Variants in PRELID2 observed in about 807,000 individuals in gnomAD.
The protein encoded by PRELID2 is PRELI domain-containing protein 2.
PRELID2 carries 25 observed loss-of-function variants against 28.4 expected under a neutral mutation model. That is an observed-to-expected ratio of 0.88 (90% CI 0.64 to 1.23). PRELID2 has a LOEUF of 1.23. PRELID2 is among the 50% of genes most tolerant of loss of function. PRELID2 has a pLI of 0.00. For synonymous variants in PRELID2, 76 were observed against 71.6 expected (o/e 1.06, Z -0.31); for missense variants, 201 against 214.4 (o/e 0.94, Z 0.39).
intron 1 of PRELID2, among the ~76,000 whole-genome samples, chr5:145,724,646 TAATG>T (rs1756090412): frequency 8.3e-6 from 1 of 120,106 alleles, no homozygotes; most frequent in African/African-American, 3.0e-5. Context: ...TATATATATA[TAATG>T]CCTGTAACTT....
intron 1 of PRELID2, among the ~76,000 whole-genome samples, chr5:145,687,426 T>C (rs186335709): frequency 7.9e-5 from 12 of 152,162 alleles, no homozygotes; most frequent in East Asian, 3.9e-4. Context: ...ATCAATGTCA[T>C]GAAAGTCAAG....
At chr5:145,298,969 A>T in the PRELID2 span, among the ~76,000 whole-genome samples, 2 of 152,160 alleles carry the variant, frequency 1.3e-5, no homozygotes, top group African/African-American at 4.8e-5. Flanking sequence ...CAAAAACAAC[A>T]TAAAAATATG....
At chr5:145,254,984 G>T in the PRELID2 span, among the ~76,000 whole-genome samples, 16 of 150,748 alleles carry the variant, frequency 1.1e-4, no homozygotes, top group African/African-American at 3.9e-4. Context: ...TTTAACTAAA[G>T]CAACAGCAAA....
At chr5:145,283,124 G>T in the PRELID2 span, among the ~76,000 whole-genome samples, 2 of 152,118 alleles carry the variant, frequency 1.3e-5, no homozygotes, top group African/African-American at 4.8e-5. Flanking sequence ...TCAGCATTAA[G>T]GGGCTGCTAA....
chr5:145,677,643 G>T (rs778317430), intron 1 of PRELID2, among the ~76,000 whole-genome samples: 7 of 152,088 alleles, frequency 4.6e-5, no homozygotes, highest in Non-Finnish European at 1.0e-4. Flanking sequence ...AGGCACAGGG[G>T]TTCATTGTGC....
At chr5:145,554,152 T>A (rs779879064) in intron 1 of PRELID2, among the ~76,000 whole-genome samples, 1 of 152,058 alleles carries the variant, frequency 6.6e-6, no homozygotes, top group Non-Finnish European at 1.5e-5. Flanking sequence ...GACTGATAGA[T>A]GAGAATCAAC....
the PRELID2 span, among the ~76,000 whole-genome samples, chr5:145,405,549 T>C: frequency 6.6e-6 from 1 of 152,032 alleles, no homozygotes; most frequent in Non-Finnish European, 1.5e-5. Context: ...TTCATGTGGG[T>C]GCAAATTGTA....
the PRELID2 span, among the ~76,000 whole-genome samples, chr5:145,424,754 T>C: frequency 6.6e-6 from 1 of 152,080 alleles, no homozygotes; most frequent in Non-Finnish European, 1.5e-5. Context: ...TCCCCATCCA[T>C]ATACAAAAAT....
chr5:145,741,700 AATAATTTATTTATAT>A (rs1756780415), intron 1 of PRELID2, among the ~76,000 whole-genome samples: 1 of 4,002 alleles, frequency 2.5e-4, no homozygotes, highest in Non-Finnish European at 7.2e-4. Context: ...TTTATATATA[AATAATTTATTTATAT>A]ATAAATAAAA....
chr5:145,796,227 G>C, intron 5 of PRELID2: 1 of 364,110 alleles, frequency 2.7e-6, no homozygotes, highest in East Asian at 4.8e-5. Flanking sequence ...CTCTTCATTG[G>C]CATATTTTTA....
the PRELID2 span, among the ~76,000 whole-genome samples, chr5:145,285,233 A>G: frequency 6.6e-6 from 1 of 152,168 alleles, no homozygotes; most frequent in African/African-American, 2.4e-5. Flanking sequence ...AGATGGCATT[A>G]CTATGGGAAT....
intron 1 of PRELID2, among the ~76,000 whole-genome samples, chr5:145,720,299 T>G (rs1354816308): frequency 2.0e-5 from 3 of 151,470 alleles, no homozygotes; most frequent in Admixed American, 1.3e-4. Context: ...CTCAGATATA[T>G]TCCAGTAAAA....
At chr5:145,497,009 T>C in intron 1 of PRELID2, among the ~76,000 whole-genome samples, 1 of 151,988 alleles carries the variant, frequency 6.6e-6, no homozygotes, top group East Asian at 1.9e-4. Flanking sequence ...ACTACAGGTG[T>C]GTGCCACCAT....
chr5:145,578,290 T>C (rs1753078641), intron 1 of PRELID2, among the ~76,000 whole-genome samples: 1 of 152,102 alleles, frequency 6.6e-6, no homozygotes, highest in South Asian at 2.1e-4. Flanking sequence ...ACAAAACACA[T>C]GTGCTCCCCA....
chr5:145,342,804 T>C, the PRELID2 span, among the ~76,000 whole-genome samples: 1 of 145,104 alleles, frequency 6.9e-6, no homozygotes, highest in Non-Finnish European at 1.5e-5. Context: ...AGACTGAAAG[T>C]AAAGAAATAG....
At chr5:145,531,661 A>G (rs1752656120) in intron 1 of PRELID2, among the ~76,000 whole-genome samples, 1 of 152,176 alleles carries the variant, frequency 6.6e-6, no homozygotes. Context: ...CCATTTCCCC[A>G]GGCTCTGCAA....
At chr5:145,327,621 G>A in the PRELID2 span, among the ~76,000 whole-genome samples, 1 of 151,922 alleles carries the variant, frequency 6.6e-6, no homozygotes, top group Non-Finnish European at 1.5e-5. Context: ...TTATTGATAG[G>A]TAAGAATTTA....
intron 1 of PRELID2, among the ~76,000 whole-genome samples, chr5:145,632,757 C>T (rs1291988968): frequency 6.6e-6 from 1 of 152,128 alleles, no homozygotes; most frequent in African/African-American, 2.4e-5. Context: ...TGTAAGATAA[C>T]CCTCCATGAT....
the PRELID2 span, among the ~76,000 whole-genome samples, chr5:145,270,293 T>C: frequency 6.6e-6 from 1 of 152,112 alleles, no homozygotes; most frequent in East Asian, 1.9e-4. Flanking sequence ...ACAAAAATAT[T>C]CATTGTATAG....
Sources: gnomAD v4.1 joint callset for allele counts (sites outside exome capture counted in the v4.1 genomes callset) on GRCh38, gnomAD v4.1.1 for gene constraint, MANE v1.5 for transcripts, NCBI Gene and HGNC (gene_info 2026-07-23, HGNC 2026-07-21) for gene names.